The following LRP1B variants were observed in gnomAD, a reference collection of about 807,000 sequenced individuals.
LRP1B encodes LDL receptor related protein 1B.
A neutral mutation model predicts 556.6 loss-of-function variants in LRP1B; 217 were observed. The observed-to-expected ratio is 0.39, with a 90% CI of 0.35 to 0.44. LRP1B has a LOEUF of 0.44. LRP1B is among the 20% of genes least tolerant of loss of function. The pLI is 1.00. For missense variants in LRP1B, 5,053 were observed against 5,620.8 expected (o/e 0.90, Z 3.23); for synonymous variants, 2,047 against 1,865.8 (o/e 1.10, Z -2.50).
At position 141,011,186 on chromosome 2, in the gene LRP1B, C is replaced by T. The variant is rs560082407; in HGVS notation, c.2380+2370G>A. On this transcript the variant is annotated intron_variant, in intron 14 of 90. Coordinates refer to ENST00000389484, the MANE Select transcript of LRP1B (RefSeq NM_018557.3). Reference sequence around the variant, plus strand: ...AGAGATTTGATTTTCTCTTCAATTGCTATATTTTATCCATAGGGAAAAAAA... The same window carrying T: ...AGAGATTTGATTTTCTCTTCAATTGTTATATTTTATCCATAGGGAAAAAAA... Among the ~76,000 whole-genome samples, 449 of 137,396 alleles carry T rather than the reference C, an allele frequency of 3.3e-3. 2 individuals are homozygous for T. Among genetic ancestry groups the T allele is most frequent in the African/African-American group, 0.012 (435 of 37,278 alleles). 90.1% of individuals were successfully genotyped at this position (137,396 alleles called of 152,430 possible).
At chr2:141,726,210 G>C (rs1693025416) in intron 2 of LRP1B, among the ~76,000 whole-genome samples, 1 of 150,620 alleles carries the variant, frequency 6.6e-6, no homozygotes, top group African/African-American at 2.4e-5. Context: ...TAAAATATAT[G>C]TATAGTACAA....
chr2:140,599,713 T>C (rs986908184), intron 42 of LRP1B, among the ~76,000 whole-genome samples: 1 of 152,154 alleles, frequency 6.6e-6, no homozygotes, highest in Non-Finnish European at 1.5e-5. Context: ...ACAATTTATT[T>C]ACAATATTTT....
At chr2:141,827,432 C>A (rs352976) in intron 1 of LRP1B, among the ~76,000 whole-genome samples, 54,922 of 151,968 alleles carry the variant, frequency 0.36, 10,101 homozygotes, top group Middle Eastern at 0.47. Context: ...TGTTTGGGGG[C>A]ATCCCAGCCC....
intron 7 of LRP1B, among the ~76,000 whole-genome samples, chr2:141,107,938 A>C (rs1700648647): frequency 6.6e-6 from 1 of 152,120 alleles, no homozygotes; most frequent in African/African-American, 2.4e-5. Context: ...TTTTTAATAC[A>C]CAGTTGGAAA....
At chr2:141,432,858 T>G (rs1680611837) in intron 3 of LRP1B, among the ~76,000 whole-genome samples, 1 of 152,028 alleles carries the variant, frequency 6.6e-6, no homozygotes, top group Non-Finnish European at 1.5e-5. Flanking sequence ...ATTTCATGTA[T>G]TTGCTCCATT....
At chr2:141,709,948 C>T (rs1351285278) in intron 2 of LRP1B, among the ~76,000 whole-genome samples, 1 of 152,048 alleles carries the variant, frequency 6.6e-6, no homozygotes, top group Non-Finnish European at 1.5e-5. Context: ...TCATTGACAG[C>T]TGTGTTTTCT....
At chr2:141,280,133 G>A (rs932954193) in intron 3 of LRP1B, among the ~76,000 whole-genome samples, 1 of 151,992 alleles carries the variant, frequency 6.6e-6, no homozygotes, top group Non-Finnish European at 1.5e-5. Context: ...CTCTTACTAC[G>A]TTGCGTGAAT....
intron 2 of LRP1B, among the ~76,000 whole-genome samples, chr2:141,782,319 T>G (rs1441971274): frequency 6.6e-6 from 1 of 152,084 alleles, no homozygotes; most frequent in Admixed American, 6.6e-5. Flanking sequence ...TAAGTAATAG[T>G]AATGGATTTT....
At chr2:141,755,134 G>C (rs1038201821) in intron 2 of LRP1B, among the ~76,000 whole-genome samples, 2 of 152,030 alleles carry the variant, frequency 1.3e-5, no homozygotes, top group East Asian at 3.9e-4. Context: ...ACTTTTAGAG[G>C]AAAGCAACCA....
intron 2 of LRP1B, among the ~76,000 whole-genome samples, chr2:141,772,262 C>A (rs1042818767): frequency 6.6e-6 from 1 of 152,096 alleles, no homozygotes; most frequent in African/African-American, 2.4e-5. Flanking sequence ...TTTAAGCCAC[C>A]CAACCTATGG....
intron 35 of LRP1B, among the ~76,000 whole-genome samples, chr2:140,723,975 T>C (rs1038750067): frequency 3.3e-5 from 5 of 152,200 alleles, no homozygotes; most frequent in African/African-American, 9.7e-5. Flanking sequence ...AGGTTGGCTG[T>C]TAGATCTGGT....
At chr2:142,120,808 T>C (rs922806952) in intron 1 of LRP1B, among the ~76,000 whole-genome samples, 1 of 152,094 alleles carries the variant, frequency 6.6e-6, no homozygotes, top group African/African-American at 2.4e-5. Context: ...TTTACAGACA[T>C]GGCATAGGCA....
chr2:140,610,246 T>G (rs773539032), intron 41 of LRP1B, among the ~76,000 whole-genome samples: 2 of 152,200 alleles, frequency 1.3e-5, no homozygotes, highest in Non-Finnish European at 2.9e-5. Flanking sequence ...GGAACGTGAC[T>G]GTCTTTTTCT....
At chr2:141,176,961 CT>C (rs1680763831) in intron 7 of LRP1B, among the ~76,000 whole-genome samples, 1 of 152,014 alleles carries the variant, frequency 6.6e-6, no homozygotes, top group Admixed American at 6.6e-5. Flanking sequence ...TAATGTCCTC[CT>C]TCTGCTTTTT....
intron 1 of LRP1B, among the ~76,000 whole-genome samples, chr2:142,012,199 C>T (rs1702978848): frequency 6.6e-6 from 1 of 151,938 alleles, no homozygotes. Flanking sequence ...TTTATTTTCA[C>T]ATTTTAGTTT....
chr2:140,840,432 C>A (rs929204576), intron 30 of LRP1B, among the ~76,000 whole-genome samples: 11 of 152,072 alleles, frequency 7.2e-5, no homozygotes. Context: ...AATCAGATGC[C>A]ATAGAGGGTA....
At chr2:141,946,335 A>G (rs1024698320) in intron 1 of LRP1B, among the ~76,000 whole-genome samples, 2 of 152,148 alleles carry the variant, frequency 1.3e-5, no homozygotes, top group Non-Finnish European at 2.9e-5. Context: ...ATTTAGAGAA[A>G]TTTTAGTGAT....
chr2:141,037,104 T>C (rs1210448167), intron 11 of LRP1B, among the ~76,000 whole-genome samples: 1 of 151,924 alleles, frequency 6.6e-6, no homozygotes, highest in Non-Finnish European at 1.5e-5. Context: ...GATAAGAGTG[T>C]GGAGAGAGAC....
At chr2:140,876,742 A>C (rs1191003003) in intron 25 of LRP1B, among the ~76,000 whole-genome samples, 4 of 152,214 alleles carry the variant, frequency 2.6e-5, no homozygotes, top group Admixed American at 2.6e-4. Flanking sequence ...AAATAGTCTT[A>C]TCTGAGATTC....
Sources: allele counts gnomAD v4.1 joint callset (sites outside exome capture counted in the v4.1 genomes callset), GRCh38; gene constraint gnomAD v4.1.1; transcripts MANE v1.5; gene names NCBI Gene and HGNC (gene_info 2026-07-23, HGNC 2026-07-21).